The following ADAMTS17 variants were observed in gnomAD, a reference collection of about 807,000 sequenced individuals.
ADAMTS17 encodes the protein A disintegrin and metalloproteinase with thrombospondin motifs 17.
Under a neutral mutation model 141.5 loss-of-function variants are expected in ADAMTS17, and 113 were observed. That is an observed-to-expected ratio of 0.80 (90% confidence interval 0.69 to 0.93). The LOEUF (loss-of-function observed/expected upper bound fraction) is 0.93, where lower values mean the gene tolerates loss of function less well. ADAMTS17 is among the 40% of genes least tolerant of loss of function. The pLI, the probability that ADAMTS17 is intolerant of heterozygous loss-of-function variation, is 0.00. For missense variants in ADAMTS17, 1,659 were observed against 1,517.9 expected (o/e 1.09, Z -1.54); for synonymous variants, 768 against 630.6 (o/e 1.22, Z -3.27).
intron 8 of ADAMTS17, among the ~76,000 whole-genome samples, chr15:100,197,026 TAC>T (rs1567334782): frequency 2.0e-5 from 3 of 152,370 alleles, no homozygotes; most frequent in East Asian, 3.9e-4. Flanking sequence ...CAAGAAATTC[TAC>T]ACAGTCTATA....
intron 10 of ADAMTS17, among the ~76,000 whole-genome samples, chr15:100,141,239 C>T (rs538769566): frequency 3.3e-5 from 5 of 152,282 alleles, no homozygotes; most frequent in South Asian, 2.1e-4. Context: ...TGTGAAAACG[C>T]GGGAAGGTTT....
chr15:100,114,453 T>C (rs1415426661), intron 13 of ADAMTS17, among the ~76,000 whole-genome samples: 2 of 152,172 alleles, frequency 1.3e-5, no homozygotes, highest in African/African-American at 2.4e-5. Flanking sequence ...TTACCCTTGA[T>C]GAAGTGCTCC....
At chr15:100,139,635 C>G (rs149094151) in intron 10 of ADAMTS17, among the ~76,000 whole-genome samples, 39 of 152,308 alleles carry the variant, frequency 2.6e-4, no homozygotes, top group Non-Finnish European at 3.7e-4. Flanking sequence ...GCTAGGTGAC[C>G]AAGGCTAGCA....
At chr15:100,164,820 T>TA (rs1567289342) in intron 8 of ADAMTS17, among the ~76,000 whole-genome samples, 1 of 152,046 alleles carries the variant, frequency 6.6e-6, no homozygotes, top group East Asian at 1.9e-4. Context: ...ACTCCTGGAG[T>TA]AAAGCTTAAG....
At chr15:100,267,390 T>C (rs1365068184) in intron 4 of ADAMTS17, among the ~76,000 whole-genome samples, 1 of 152,228 alleles carries the variant, frequency 6.6e-6, no homozygotes, top group African/African-American at 2.4e-5. Flanking sequence ...ATGGACACCT[T>C]GGCTGTTTTT....
chr15:100,206,216 C>T (rs1408197381), intron 7 of ADAMTS17, among the ~76,000 whole-genome samples: 1 of 152,236 alleles, frequency 6.6e-6, no homozygotes, highest in African/African-American at 2.4e-5. Flanking sequence ...GAGAAAAGCC[C>T]TGTCTTCTAG....
chr15:100,315,467 A>G (rs2045535609), intron 3 of ADAMTS17, among the ~76,000 whole-genome samples: 3 of 150,114 alleles, frequency 2.0e-5, no homozygotes, highest in Non-Finnish European at 4.4e-5. Flanking sequence ...GGCTTAACAC[A>G]GCATAAAGGA....
intron 3 of ADAMTS17, among the ~76,000 whole-genome samples, chr15:100,286,577 C>T (rs2044455750): frequency 6.6e-6 from 1 of 152,150 alleles, no homozygotes; most frequent in Admixed American, 6.5e-5. Context: ...AGCCTTAGCC[C>T]TCTGAAATCT....
rs114877335 is a variant in ADAMTS17, at chr15:100,273,441, T to C, written c.789+7788A>G. On this transcript the variant is annotated intron_variant, in intron 4 of 21. Transcript: ENST00000268070. ...TAAGTGTTGGTAGATTTTGTGTGTCTAGGAATTTGTCCACTTCATCTAGGT... is the reference window on the plus strand; with the variant it reads ...TAAGTGTTGGTAGATTTTGTGTGTCCAGGAATTTGTCCACTTCATCTAGGT... Among the ~76,000 whole-genome samples the C allele has an allele frequency of 2.2e-3, 342 of 152,308 alleles. 1 individual carries two copies. The highest frequency in any genetic ancestry group is 7.8e-3 in the African/African-American group (323 of 41,586).
intron 14 of ADAMTS17, among the ~76,000 whole-genome samples, chr15:100,099,015 G>A (rs1264750693): frequency 6.6e-6 from 1 of 152,158 alleles, no homozygotes; most frequent in African/African-American, 2.4e-5. Flanking sequence ...CTTCAGGCCT[G>A]GTTCCTTGTC....
intron 8 of ADAMTS17, among the ~76,000 whole-genome samples, chr15:100,186,131 T>C (rs1280360921): frequency 6.6e-6 from 1 of 152,090 alleles, no homozygotes; most frequent in East Asian, 1.9e-4. Flanking sequence ...GTAACATCAA[T>C]GAAGTATGTG....
rs1057467321 is a variant in ADAMTS17, at chr15:100,001,877, G to A, written c.2592-4288C>T. Among the ~76,000 whole-genome samples the A allele has an allele frequency of 2.7e-5, 4 of 149,554 alleles. 1 individual carries two copies. Among genetic ancestry groups the A allele is most frequent in the African/African-American group, 1.0e-4 (4 of 39,736 alleles). ...CCAGCTACTTGGGAGGCTGAGGTGA[G>A]AGAACTGTCTGGACCGGGGAGGCAG... On this transcript the variant is annotated intron_variant, in intron 18 of 21. Coordinates refer to ENST00000268070, the MANE Select transcript of ADAMTS17 (RefSeq NM_139057.4).
At chr15:100,136,023 T>C (rs1423443222) in intron 10 of ADAMTS17, among the ~76,000 whole-genome samples, 2 of 152,194 alleles carry the variant, frequency 1.3e-5, no homozygotes, top group Admixed American at 1.3e-4. Flanking sequence ...TTTGGCAGTA[T>C]TTGCTAAAGC....
chr15:100,189,401 T>C (rs1399380901), intron 8 of ADAMTS17, among the ~76,000 whole-genome samples: 1 of 152,124 alleles, frequency 6.6e-6, no homozygotes, highest in Admixed American at 6.5e-5. Context: ...TCTTTATAAC[T>C]CTCCTCCTGC....
intron 15 of ADAMTS17, among the ~76,000 whole-genome samples, chr15:100,056,914 G>A (rs1371800877): frequency 6.6e-6 from 1 of 152,084 alleles, no homozygotes; most frequent in Non-Finnish European, 1.5e-5. Context: ...TTTATGGTAA[G>A]GTGCCTCCGG....
intron 10 of ADAMTS17, among the ~76,000 whole-genome samples, chr15:100,147,731 C>T (rs550454360): frequency 6.6e-6 from 1 of 152,108 alleles, no homozygotes; most frequent in East Asian, 1.9e-4. Flanking sequence ...AATGTCATAC[C>T]TTTTACTTTT....
intron 12 of ADAMTS17, among the ~76,000 whole-genome samples, chr15:100,120,362 C>T (rs1305205533): frequency 6.6e-6 from 1 of 152,196 alleles, no homozygotes; most frequent in Non-Finnish European, 1.5e-5. Flanking sequence ...TGTCTGTGCT[C>T]CTGTTGCAAC....
intron 15 of ADAMTS17, among the ~76,000 whole-genome samples, chr15:100,076,674 A>T (rs1029725718): frequency 6.6e-6 from 1 of 152,188 alleles, no homozygotes; most frequent in African/African-American, 2.4e-5. Flanking sequence ...AGATTTATTG[A>T]TATCAGTGTG....
chr15:100,151,126 T>TG (rs1567261316), intron 10 of ADAMTS17, among the ~76,000 whole-genome samples: 1 of 152,122 alleles, frequency 6.6e-6, no homozygotes, highest in Non-Finnish European at 1.5e-5. Context: ...ACCCTGCTGC[T>TG]GGGGGCAGGA....
Sources: gnomAD v4.1 joint callset for allele counts (sites outside exome capture counted in the v4.1 genomes callset) on GRCh38, gnomAD v4.1.1 for gene constraint, MANE v1.5 for transcripts, NCBI Gene and HGNC (gene_info 2026-07-23, HGNC 2026-07-21) for gene names.